The following STARD13 variants were observed in gnomAD, a reference collection of about 807,000 sequenced individuals.
STARD13 encodes StAR related lipid transfer domain containing 13, also known as stAR-related lipid transfer protein 13.
Under a neutral mutation model 106.4 loss-of-function variants are expected in STARD13, and 62 were observed. The ratio of observed to expected loss-of-function variants is 0.58; its 90% CI spans 0.48 to 0.72. The LOEUF (loss-of-function observed/expected upper bound fraction) is 0.72. STARD13 is among the 30% of genes least tolerant of loss of function. The probability of loss-of-function intolerance (pLI) is 0.00; values close to 1 mark genes in which losing one functional copy is unlikely to be tolerated. For synonymous variants in STARD13, 565 were observed against 553.0 expected (o/e 1.02, Z -0.31); for missense variants, 1,387 against 1,424.0 (o/e 0.97, Z 0.42).
intron 1 of STARD13, among the ~76,000 whole-genome samples, chr13:33,271,741 C>T (rs1241084179): frequency 1.3e-5 from 2 of 150,894 alleles, no homozygotes; most frequent in African/African-American, 4.9e-5. Context: ...GCTGGTGGCA[C>T]AATGAGGTCC....
chr13:33,368,300 A>G, the STARD13 span, among the ~76,000 whole-genome samples: 3 of 152,206 alleles, frequency 2.0e-5, no homozygotes, highest in East Asian at 1.9e-4. Flanking sequence ...AGATAGATCT[A>G]TGCCGGCTCT....
At chr13:33,485,430 A>G in the STARD13 span, among the ~76,000 whole-genome samples, 4 of 141,540 alleles carry the variant, frequency 2.8e-5, no homozygotes, top group Non-Finnish European at 5.9e-5. Flanking sequence ...TTTAGCCCTC[A>G]AACTTAAAAA....
intron 1 of STARD13, among the ~76,000 whole-genome samples, chr13:33,268,366 T>TCC (rs1891004039): frequency 1.3e-5 from 2 of 152,194 alleles, no homozygotes; most frequent in South Asian, 4.1e-4. Flanking sequence ...ATTTTCATCT[T>TCC]CCCCATAAGT....
chr13:33,424,416 A>T, the STARD13 span, among the ~76,000 whole-genome samples: 4,056 of 152,306 alleles, frequency 0.027, 104 homozygotes, highest in Admixed American at 0.082. Context: ...TAGTACTTTG[A>T]AAACAACTAT....
At chr13:33,620,335 T>C in the STARD13 span, among the ~76,000 whole-genome samples, 1 of 150,902 alleles carries the variant, frequency 6.6e-6, no homozygotes, top group African/African-American at 2.4e-5. Flanking sequence ...CAGGCTGGAG[T>C]GCAGTGGCGC....
At chr13:33,271,866 A>T (rs547999423) in intron 1 of STARD13, among the ~76,000 whole-genome samples, 2 of 152,276 alleles carry the variant, frequency 1.3e-5, no homozygotes, top group African/African-American at 4.8e-5. Context: ...CCAAGTAAAC[A>T]TGCCTACGTA....
chr13:33,180,551 T>TG (rs1885133617), intron 1 of STARD13: 2 of 152,220 alleles, frequency 1.3e-5, no homozygotes, highest in Admixed American at 1.3e-4. Context: ...GCAAGGGATA[T>TG]GGGCTTCCTG....
chr13:33,171,867 A>G (rs920849357), intron 1 of STARD13, among the ~76,000 whole-genome samples: 1 of 152,168 alleles, frequency 6.6e-6, no homozygotes, highest in Non-Finnish European at 1.5e-5. Context: ...TGCCTTACAC[A>G]TGCTTTGAGC....
chr13:33,557,370 C>T, the STARD13 span, among the ~76,000 whole-genome samples: 43 of 152,084 alleles, frequency 2.8e-4, no homozygotes, highest in Non-Finnish European at 5.1e-4. Flanking sequence ...GCATAATACT[C>T]TTGTATAAAT....
At chr13:33,390,915 G>C in the STARD13 span, among the ~76,000 whole-genome samples, 2 of 152,032 alleles carry the variant, frequency 1.3e-5, no homozygotes, top group African/African-American at 4.8e-5. Flanking sequence ...CAGTTTCATG[G>C]ACTGGTTCCT....
chr13:33,567,220 A>G, the STARD13 span, among the ~76,000 whole-genome samples: 1 of 148,700 alleles, frequency 6.7e-6, no homozygotes, highest in Non-Finnish European at 1.5e-5. Flanking sequence ...TTCATAACAA[A>G]TATTCTGATA....
the STARD13 span, among the ~76,000 whole-genome samples, chr13:33,547,053 A>G: frequency 6.6e-6 from 1 of 152,242 alleles, no homozygotes; most frequent in Non-Finnish European, 1.5e-5. Context: ...TGAAAATATA[A>G]TAGTACATTT....
chr13:33,231,205 G>A lies in STARD13; in HGVS notation c.169+54265C>T, dbSNP rs991636184. ...GTCTCAATGGCAATGGGCTGGGAGT[G>A]GAGATGAGGGGCTGGTCAGGCCCTC... is the stretch of plus-strand genomic sequence containing the variant. On this transcript the variant is annotated intron_variant, in intron 1 of 13. Coordinates refer to ENST00000336934, the MANE Select transcript of STARD13 (RefSeq NM_178006.4). Among the ~76,000 whole-genome samples, 5 of 152,304 alleles carry A rather than the reference G, an allele frequency of 3.3e-5. No individual in the cohort carries two copies. The East Asian group carries it at 7.7e-4, about 24-fold the overall frequency.
At chr13:33,344,418 T>A (rs1047365987), downstream of STARD13, among the ~76,000 whole-genome samples, 2 of 152,220 alleles carry the variant, frequency 1.3e-5, no homozygotes, top group Non-Finnish European at 2.9e-5. Flanking sequence ...AGAAAAGTGA[T>A]GATAAAACGG....
chr13:33,541,829 G>C, the STARD13 span, among the ~76,000 whole-genome samples: 1 of 152,178 alleles, frequency 6.6e-6, no homozygotes, highest in Admixed American at 6.5e-5. Context: ...GATTCATACA[G>C]ATTTTATTTC....
At chr13:33,121,450 C>A (rs1876287831) in intron 7 of STARD13, among the ~76,000 whole-genome samples, 3 of 151,752 alleles carry the variant, frequency 2.0e-5, no homozygotes, top group Non-Finnish European at 4.4e-5. Flanking sequence ...TGCCTGGAAT[C>A]CCAGCTACTT....
the STARD13 span, among the ~76,000 whole-genome samples, chr13:33,626,896 G>A: frequency 6.6e-6 from 1 of 152,192 alleles, no homozygotes; most frequent in Admixed American, 6.5e-5. Context: ...TAAATGACAA[G>A]ATTTGTCCTG....
intron 1 of STARD13, among the ~76,000 whole-genome samples, chr13:33,270,184 T>A (rs1349529038): frequency 6.6e-6 from 1 of 152,048 alleles, no homozygotes; most frequent in Non-Finnish European, 1.5e-5. Context: ...TGCGGTGAGC[T>A]GAGATCACGC....
chr13:33,625,999 C>G, the STARD13 span, among the ~76,000 whole-genome samples: 82 of 152,292 alleles, frequency 5.4e-4, no homozygotes, highest in African/African-American at 1.8e-3. Flanking sequence ...CCCAGTGTCA[C>G]TAAGAAAATC....
Sources: gnomAD v4.1 joint callset for allele counts (sites outside exome capture counted in the v4.1 genomes callset) on GRCh38, gnomAD v4.1.1 for gene constraint, MANE v1.5 for transcripts, NCBI Gene and HGNC (gene_info 2026-07-23, HGNC 2026-07-21) for gene names.